Variants in QRICH2 observed in about 807,000 individuals in gnomAD.
QRICH2 encodes the protein glutamine rich 2, also known as glutamine-rich protein 2.
In QRICH2, 119 loss-of-function variants were observed where a neutral mutation model predicts 168.3. That is an observed-to-expected ratio of 0.71 (90% CI 0.61 to 0.82). The LOEUF (loss-of-function observed/expected upper bound fraction) is 0.82, where lower values mean the gene tolerates loss of function less well. QRICH2 is among the 40% of genes least tolerant of loss of function. The pLI is 0.00. For synonymous variants in QRICH2, 894 were observed against 951.2 expected (o/e 0.94, Z 1.11); for missense variants, 2,241 against 2,491.6 (o/e 0.90, Z 2.14).
Position 76,289,976 on chromosome 17 carries a change from G to T in QRICH2, c.3798+16C>A. The T allele has an allele frequency of 6.4e-7, 1 of 1,568,510 alleles. No homozygotes were observed. The highest frequency in any genetic ancestry group is 8.7e-7 in the Non-Finnish European group (1 of 1,146,716). ...CAAAAAAAAAAAAAAGACAAAGTGG[G>T]TTGACTCTTCCTTACTTTTGCTTTC... On this transcript the variant is annotated intron_variant, in intron 5 of 18. Coordinates refer to ENST00000680821, the MANE Select transcript of QRICH2 (RefSeq NM_001388453.1).
At position 76,280,147 on chromosome 17, in the gene QRICH2, C is replaced by T. The variant is rs772000651; in HGVS notation, c.4634G>A (p.Arg1545His). ...LLTEMDNKLD[R>H]LELDPVKQLL... is the part of the protein sequence containing the mutation. ...CTGCTTCACTGGGTCCAGCTCCAGG[C>T]GGTCCAGCTGTGGCGGGGAAAGAGG... The change falls in exon 12 of 19, where the codon CGC becomes CAC. Residue 1545 changes from arginine to histidine, a missense_variant. Arg to His is a conservative substitution (Grantham distance 29). This residue lies in a region of QRICH2 where 2,047 missense variants were observed against 2,303.8 expected (regional missense o/e 0.89). Transcript: ENST00000680821. This position sits in a 1 kb window ranked among gnomAD's most constrained non-coding sequence, Gnocchi z 7.4. 9.9e-6 allele frequency: 16 copies of T among 1,613,664 alleles called. No homozygotes were observed. The highest frequency in any genetic ancestry group is 3.3e-5 in the South Asian group (3 of 91,032).
Position 76,307,911 on chromosome 17 carries a change from G to A in QRICH2, c.88C>T (p.Leu30=), listed in dbSNP as rs1401298291. ...PEVGAVNFTA[L]HTLIVAMLKN... ...AGCATGGCCACGATGAGCGTGTGCA[G>A]GGCCGTGAAGTTGACGGCGCCCACC... The change falls in exon 1 of 19, where the codon CTG becomes TTG. Residue 30 remains leucine, a synonymous_variant. Coordinates refer to ENST00000680821, the MANE Select transcript of QRICH2 (RefSeq NM_001388453.1). This position sits in a 1 kb window ranked among gnomAD's most constrained non-coding sequence, Gnocchi z 5.3. The A allele has an allele frequency of 1.6e-6, 2 of 1,241,676 alleles. No individual in the cohort carries two copies. Among genetic ancestry groups the A allele is most frequent in the Non-Finnish European group, 1.0e-6 (1 of 993,336 alleles). The allele number at this position is 1,241,676 out of a possible 1,614,324, so 76.9% of individuals were successfully genotyped here.
Position 76,308,022 on chromosome 17 carries a change from C to A in QRICH2, c.-24G>T, listed in dbSNP as rs981626513. ...ATCGTGGCTGTCAGGAGCTGTGCGCCGCCGCGGGGCGCCGGCCAACCACTT... is the reference window on the plus strand; with the variant it reads ...ATCGTGGCTGTCAGGAGCTGTGCGCAGCCGCGGGGCGCCGGCCAACCACTT... On this transcript the variant is annotated 5_prime_UTR_variant, in exon 1 of 19. Transcript: ENST00000680821. 2 of 1,231,626 alleles carry A rather than the reference C, an allele frequency of 1.6e-6. No homozygotes were observed. The highest frequency in any genetic ancestry group is 3.2e-5 in the East Asian group (1 of 31,648). 76.3% of individuals were successfully genotyped at this position (1,231,626 alleles called of 1,614,324 possible). A position where few individuals can be genotyped will look rare whatever the true frequency, so the allele number is the denominator to read the frequency against.
rs114916121 is a variant in QRICH2, at chr17:76,275,538, G to A, written c.5482+281C>T. On this transcript the variant is annotated intron_variant, in intron 18 of 18. Coordinates refer to ENST00000680821, the MANE Select transcript of QRICH2 (RefSeq NM_001388453.1). ...ACGAGCTCCATGACAGTGAGTGCAC[G>A]TGAGCAGGGCAAGGGCATGGACCTG... Among the ~76,000 whole-genome samples, 12 of 152,358 alleles carry A rather than the reference G, an allele frequency of 7.9e-5. No individual in the cohort carries two copies. The East Asian group carries it at 1.5e-3, about 20-fold the overall frequency.
chr17:76,276,331 C>T (rs1439766538), intron 17 of QRICH2, among the ~76,000 whole-genome samples: 9 of 152,142 alleles, frequency 5.9e-5, no homozygotes, highest in Admixed American at 3.3e-4. Flanking sequence ...GGGGCTGAAG[C>T]GGTGGGGCTC....
At chr17:76,303,736 G>C (rs1429313816) in intron 3 of QRICH2, among the ~76,000 whole-genome samples, 3 of 151,948 alleles carry the variant, frequency 2.0e-5, no homozygotes, top group Admixed American at 6.6e-5. Context: ...AGCCAGGCGT[G>C]GTGGTGGGCG....
rs1244484595 is a variant in QRICH2 at position 76,292,817 on chromosome 17, T to A, written c.1910A>T (p.Gln637Leu). The A allele has an allele frequency of 2.4e-5, 38 of 1,613,650 alleles. No individual in the cohort carries two copies. The highest frequency in any genetic ancestry group is 3.2e-5 in the Non-Finnish European group (38 of 1,179,976). Residue 637 changes from glutamine to leucine, a missense_variant, in exon 4 of 19, where the codon CAG (glutamine) becomes CTG (leucine). Gln to Leu is a moderately radical substitution (Grantham distance 113). This residue lies in a region of QRICH2 where 2,047 missense variants were observed against 2,303.8 expected (regional missense o/e 0.89). Coordinates refer to ENST00000680821, the MANE Select transcript of QRICH2 (RefSeq NM_001388453.1). ...TGTGCCAGGCTGGATCAAACCATGCTGATCTCTACCAGGTTGGGCCAAACC... is the reference window on the plus strand; with the variant it reads ...TGTGCCAGGCTGGATCAAACCATGCAGATCTCTACCAGGTTGGGCCAAACC... ...QSGLAQPGRD[Q>L]HGLIQPGTGQ...
At position 76,304,965 on chromosome 17, in the gene QRICH2, A is replaced by G. The variant is rs374068144; in HGVS notation, c.535-24T>C. 5.2e-5 allele frequency: 82 copies of G among 1,578,216 alleles called. No individual in the cohort carries two copies. The African/African-American group carries it at 9.7e-4, about 19-fold the overall frequency. On this transcript the variant is annotated intron_variant, in intron 1 of 18. Coordinates refer to ENST00000680821, the MANE Select transcript of QRICH2 (RefSeq NM_001388453.1). ...ACCTGGAAGAAGAGTTCAGGAAAGG[A>G]GAATGACAGTGGCCCCTACACACGC...
At position 76,284,168 on chromosome 17, in the gene QRICH2, CAAAAAAAAAAAA is replaced by C. The variant is rs61553346; in HGVS notation, c.4012-2065_4012-2054del. Among the ~76,000 whole-genome samples the C allele has an allele frequency of 1.6e-4, 10 of 62,758 alleles. 1 individual carries two copies. Among genetic ancestry groups the C allele is most frequent in the Non-Finnish European group, 2.2e-4 (8 of 36,378 alleles). The allele number at this position is 62,758 out of a possible 152,430, so 41.2% of individuals were successfully genotyped here. A position where few individuals can be genotyped will look rare whatever the true frequency, so the allele number is the denominator to read the frequency against. ...GGGCAACAGAGCAAAACTCTGTCTC[CAAAAAAAAAAAA>C]AAAAAAAAAAAAAAAATGCACAAAG... is the stretch of plus-strand genomic sequence containing the variant. On this transcript the variant is annotated intron_variant, in intron 7 of 18. Transcript: ENST00000680821.
chr17:76,291,801 C>T lies in QRICH2; in HGVS notation c.2926G>A (p.Ala976Thr), dbSNP rs780708488. The change falls in exon 4 of 19, where the codon GCA becomes ACA. Residue 976 changes from alanine to threonine, a missense_variant. Physicochemically the swap from Ala to Thr is moderately conservative, Grantham distance 58. This residue lies in a region of QRICH2 where 2,047 missense variants were observed against 2,303.8 expected (regional missense o/e 0.89). Transcript: ENST00000680821. ...MDQYGLRQPG[A>T]YQPGLIAPGT... The stretch of plus-strand genomic sequence containing the variant: ...GGTGCTATCAAGCCTGGCTGATATG[C>T]ACCAGGTTGTCTCAAACCATACTGA... The T allele has an allele frequency of 6.2e-7, 1 of 1,614,186 alleles. No individual in the cohort carries two copies. Among genetic ancestry groups the T allele is most frequent in the Non-Finnish European group, 8.5e-7 (1 of 1,180,030 alleles).
intron 12 of QRICH2, 24 bp from the exon 13 acceptor site, chr17:76,279,452 C>T: frequency 6.3e-7 from 1 of 1,592,330 alleles, no homozygotes; most frequent in South Asian, 1.1e-5. Flanking sequence ...GACGCACACG[C>T]AGGGTGAGTG....
rs987060451 is a variant in QRICH2, at chr17:76,281,118, C to T, written c.4264-165G>A. 1.3e-5 allele frequency among the ~76,000 whole-genome samples: 2 copies of T among 152,112 alleles called. No individual in the cohort carries two copies. The highest frequency in any genetic ancestry group is 4.8e-5 in the African/African-American group (2 of 41,410). ...GGCACTTTGGGAAGCTGAGGTGAGGCGAGAGGATCACTTGAGCCCAGGAGT... is the reference window on the plus strand; with the variant it reads ...GGCACTTTGGGAAGCTGAGGTGAGGTGAGAGGATCACTTGAGCCCAGGAGT... On this transcript the variant is annotated intron_variant, in intron 8 of 18. Transcript: ENST00000680821. This position sits in a 1 kb window ranked among gnomAD's most constrained non-coding sequence, Gnocchi z 4.4.
chr17:76,285,565 G>A (rs757087785), intron 7 of QRICH2, among the ~76,000 whole-genome samples: 10 of 150,668 alleles, frequency 6.6e-5, no homozygotes, highest in African/African-American at 1.2e-4. Flanking sequence ...ACCGCAGCCG[G>A]CCCCACACAA....
In QRICH2 at chr17:76,293,757, C is replaced by A; in HGVS notation, c.970G>T (p.Val324Leu). 1 of 1,614,042 alleles carries A rather than the reference C, an allele frequency of 6.2e-7. No individual in the cohort carries two copies. The highest frequency in any genetic ancestry group is 1.3e-5 in the African/African-American group (1 of 75,034). The stretch of plus-strand genomic sequence containing the variant: ...GTAGAAGACTGATGGAGTCGTGGCA[C>A]GCCAGCTTCATCACGGGCCCTCGGC... ...QQPRARDEAG[V>L]PRLHQSSTFQ... is the part of the protein sequence containing the mutation. Residue 324 changes from valine (V) to leucine (L), a missense_variant, in exon 4 of 19, where the codon GTG becomes TTG. Physicochemically the swap from Val to Leu is conservative, Grantham distance 32 (BLOSUM62 1). Around this residue, in one of 3 missense-constraint regions of QRICH2, gnomAD observed 2,047 missense variants for 2,303.8 expected, o/e 0.89. Coordinates refer to ENST00000680821, the MANE Select transcript of QRICH2 (RefSeq NM_001388453.1).
chr17:76,308,348 G>C (rs2071023321), upstream of QRICH2: 2 of 985,306 alleles, frequency 2.0e-6, no homozygotes, highest in Non-Finnish European at 2.4e-6. Context: ...CACGGGGGCG[G>C]GGGGAAGTAA....
At chr17:76,298,910 C>T (rs966306427) in intron 3 of QRICH2, among the ~76,000 whole-genome samples, 1 of 152,206 alleles carries the variant, frequency 6.6e-6, no homozygotes, top group Non-Finnish European at 1.5e-5. Context: ...GCCACAGCGC[C>T]CGGCCCTGAG....
intron 1 of QRICH2, 123 bp from the exon 2 acceptor site, chr17:76,305,064 T>A: frequency 1.3e-6 from 1 of 745,914 alleles, no homozygotes; most frequent in East Asian, 2.5e-5. Flanking sequence ...TACACGCACA[T>A]TCACACACTG....
At chr17:76,276,047 G>A in intron 17 of QRICH2, 100 bp from the exon 18 acceptor site, 1 of 1,437,092 alleles carries the variant, frequency 7.0e-7, no homozygotes, top group Non-Finnish European at 9.5e-7. Context: ...TGCTGGTCAT[G>A]GCCGGCCTCA....
chr17:76,307,212 C>G lies in QRICH2; in HGVS notation c.534+253G>C, dbSNP rs1660590165. Among the ~76,000 whole-genome samples, 1 of 152,124 alleles carries G rather than the reference C, an allele frequency of 6.6e-6. No individual in the cohort carries two copies. The highest frequency in any genetic ancestry group is 2.4e-5 in the African/African-American group (1 of 41,426). ...TAGGAGGTGGGGTCCCCAGGCCCCT[C>G]CAGCTCGGGGAGGCCCTAGGCCTTT... On this transcript the variant is annotated intron_variant, in intron 1 of 18. Transcript: ENST00000680821. The surrounding 1 kb of genome is among the most constrained non-coding windows in gnomAD (Gnocchi z 5.3).
Sources: gnomAD v4.1 joint callset for allele counts (sites outside exome capture counted in the v4.1 genomes callset) on GRCh38, gnomAD v4.1.1 for gene constraint, gnomAD v4.1.1 regional missense constraint, Gnocchi (gnomAD v3.1) non-coding constraint, MANE v1.5 for transcripts, NCBI Gene and HGNC (gene_info 2026-07-23, HGNC 2026-07-21) for gene names.